DHX37: variants seen among roughly 807,000 people sequenced by gnomAD.
The protein encoded by DHX37 is DEAH-box helicase 37, also known as probable ATP-dependent RNA helicase DHX37.
Under a neutral mutation model 134.3 loss-of-function variants are expected in DHX37, and 52 were observed. That is an observed-to-expected ratio of 0.39 (90% CI 0.31 to 0.49). The LOEUF (loss-of-function observed/expected upper bound fraction) is 0.49. Ranked by LOEUF, DHX37 falls within the 20% of genes least tolerant of loss-of-function variation. The probability of loss-of-function intolerance (pLI) is 0.93; values close to 1 mark genes in which losing one functional copy is unlikely to be tolerated. For missense variants in DHX37, 1,344 were observed against 1,580.8 expected (o/e 0.85, Z 2.54); for synonymous variants, 634 against 670.7 (o/e 0.95, Z 0.85).
intron 21 of DHX37, among the ~76,000 whole-genome samples, chr12:124,951,724 C>T (rs147573155): frequency 2.0e-4 from 30 of 152,240 alleles, no homozygotes; most frequent in African/African-American, 7.0e-4. Context: ...GTAAGCCCAG[C>T]GTTTTGGGAG....
At chr12:124,953,809 T>G in intron 20 of DHX37, 71 bp downstream of exon 20, 1 of 1,574,656 alleles carries the variant, frequency 6.4e-7, no homozygotes, top group Non-Finnish European at 8.6e-7. Context: ...ATGGATCACT[T>G]TTTTAAACAT....
chr12:124,948,219 G>T, intron 25 of DHX37, 38 bp from the exon 26 acceptor site: 1 of 1,603,174 alleles, frequency 6.2e-7, no homozygotes, highest in Non-Finnish European at 8.5e-7. Context: ...CAGGCAGCCA[G>T]GGCACAGACC....
chr12:124,975,575 T>C (rs1310275536), intron 5 of DHX37, 64 bp from the exon 6 acceptor site: 5 of 1,553,234 alleles, frequency 3.2e-6, no homozygotes, highest in South Asian at 1.1e-5. Flanking sequence ...CAAAGCCTCA[T>C]GCAGTTCCAC....
chr12:124,986,959 C>T (rs61943893), intron 1 of DHX37, among the ~76,000 whole-genome samples: 47,840 of 151,816 alleles, frequency 0.32, 7,725 homozygotes, highest in African/African-American at 0.33. Context: ...CTTAGCCAGG[C>T]GGTCTCGAAC....
chr12:124,961,191 CACACACACATACACGTGT>C (rs1954238570), intron 15 of DHX37, among the ~76,000 whole-genome samples: 5 of 42,886 alleles, frequency 1.2e-4, no homozygotes, highest in Admixed American at 4.8e-4. Flanking sequence ...CGCGCACGCA[CACACACACATACACGTGT>C]GCACGCACGC....
chr12:124,971,745 T>C lies in DHX37; in HGVS notation c.1078-330A>G, dbSNP rs553073444. ...TCACCTTTGCCATCCCCCTGGGAGA[T>C]TGGCCCTGCCCAAGGGGACGTCACA... On this transcript the variant is annotated intron_variant, in intron 7 of 26. Coordinates refer to ENST00000308736, the MANE Select transcript of DHX37 (RefSeq NM_032656.4). Among the ~76,000 whole-genome samples, 10 of 152,268 alleles carry C rather than the reference T, an allele frequency of 6.6e-5. No homozygotes were observed. In the South Asian group the frequency reaches 1.0e-3, roughly 16 times the overall value.
chr12:124,964,298 TACAGA>T, intron 15 of DHX37, 91 bp downstream of exon 15: 1 of 1,559,992 alleles, frequency 6.4e-7, no homozygotes, highest in African/African-American at 1.4e-5. Context: ...CGGAACATAC[TACAGA>T]TGGAGGTGGG....
At position 124,947,785 on chromosome 12, in the gene DHX37, T is replaced by A. The variant is rs2135924479; in HGVS notation, c.*17A>T. On this transcript the variant is annotated 3_prime_UTR_variant, in exon 27 of 27. Coordinates refer to ENST00000308736, the MANE Select transcript of DHX37 (RefSeq NM_032656.4). ...CAGTCCCCAAACCAGTCCTCGGCCC[T>A]GCAGCCAGGTTTCTGGTCAGTGGAC... 6.5e-7 allele frequency: 1 copy of A among 1,548,592 alleles called. No individual in the cohort carries two copies. Among genetic ancestry groups the A allele is most frequent in the Admixed American group, 1.9e-5 (1 of 52,106 alleles).
intron 2 of DHX37, among the ~76,000 whole-genome samples, chr12:124,983,060 G>A (rs889016082): frequency 6.6e-6 from 1 of 152,120 alleles, no homozygotes; most frequent in Admixed American, 6.6e-5. Flanking sequence ...AGTTGGGTGA[G>A]GGTTTCGTGA....
intron 1 of DHX37, among the ~76,000 whole-genome samples, chr12:124,986,587 T>C (rs1411344461): frequency 6.6e-6 from 1 of 151,766 alleles, no homozygotes; most frequent in Non-Finnish European, 1.5e-5. Flanking sequence ...GGTGGGTGCC[T>C]GCAATCCCAG....
At chr12:124,956,609 C>T (rs1954098815) in intron 18 of DHX37, 82 bp downstream of exon 18, 10 of 1,447,772 alleles carry the variant, frequency 6.9e-6, no homozygotes, top group Non-Finnish European at 9.1e-6. Flanking sequence ...CTACCTCAGC[C>T]TCCTGAGTAG....
intron 16 of DHX37, among the ~76,000 whole-genome samples, chr12:124,958,810 G>A (rs961319951): frequency 3.3e-5 from 5 of 151,444 alleles, no homozygotes; most frequent in Non-Finnish European, 7.4e-5. Context: ...ATTTTTAGTA[G>A]AGACGGAGTT....
rs748520383 is a variant in DHX37 at position 124,971,437 on chromosome 12, G to C, written c.1078-22C>G. On this transcript the variant is annotated intron_variant, in intron 7 of 26. Transcript: ENST00000308736. ...AGTCCTGGGGGGAGGTCCGGGGTGA[G>C]GCCCACCCTTCCAGCCTAAGCCCCA... is the stretch of plus-strand genomic sequence containing the variant. 4 of 1,610,520 alleles carry C rather than the reference G, an allele frequency of 2.5e-6. No homozygotes were observed. The African/African-American group carries it at 5.3e-5, about 22-fold the overall frequency.
In DHX37 at chr12:124,950,718, G is replaced by C. The variant is rs61757600; in HGVS notation, c.2955C>G (p.Ile985Met). The C allele has an allele frequency of 1.5e-5, 24 of 1,611,418 alleles. No individual in the cohort carries two copies. Among genetic ancestry groups the C allele is most frequent in the African/African-American group, 4.0e-5 (3 of 74,784 alleles). The change falls in exon 22 of 27, where the codon ATC (isoleucine) becomes ATG (methionine). Residue 985 changes from isoleucine to methionine, a missense_variant. This residue lies in a region of DHX37 where 558 missense variants were observed against 650.0 expected (regional missense o/e 0.86). Coordinates refer to ENST00000308736, the MANE Select transcript of DHX37 (RefSeq NM_032656.4). Reference protein sequence around the residue: ...ELPEFVVYQEIVETTKMYMKG... With the variant: ...ELPEFVVYQEMVETTKMYMKG... The stretch of plus-strand genomic sequence containing the variant: ...TCATGTACATCTTAGTGGTCTCCAC[G>C]ATTTCCTGGTAGACCACAAACTCGG...
At chr12:124,965,045 A>G in intron 13 of DHX37, 39 bp from the exon 14 acceptor site, 1 of 1,567,228 alleles carries the variant, frequency 6.4e-7, no homozygotes, top group East Asian at 2.3e-5. Flanking sequence ...CCAGGCCGGG[A>G]CAGATGCCCA....
intron 8 of DHX37, 95 bp downstream of exon 8, chr12:124,971,207 G>A: frequency 6.6e-7 from 1 of 1,523,846 alleles, no homozygotes; most frequent in South Asian, 1.2e-5. Flanking sequence ...GCAGCCCAGG[G>A]TACAACGGGG....
At chr12:124,987,102 TC>T (rs1352520026) in intron 1 of DHX37, among the ~76,000 whole-genome samples, 2 of 152,050 alleles carry the variant, frequency 1.3e-5, no homozygotes, top group African/African-American at 4.8e-5. Flanking sequence ...ACGCCTGCAA[TC>T]CCAGCACTTT....
chr12:124,974,533 G>A (rs930605067), intron 6 of DHX37, among the ~76,000 whole-genome samples: 11 of 149,868 alleles, frequency 7.3e-5, no homozygotes, highest in African/African-American at 1.7e-4. Context: ...CCACCACCAC[G>A]TCCTGAGAGC....
chr12:124,954,286 A>G, intron 18 of DHX37, 75 bp from the exon 19 acceptor site: 1 of 1,507,370 alleles, frequency 6.6e-7, no homozygotes, highest in Non-Finnish European at 8.9e-7. Context: ...GAACTCCTTT[A>G]TTCATCGGGA....
Sources: gnomAD v4.1 joint callset for allele counts (sites outside exome capture counted in the v4.1 genomes callset) on GRCh38, gnomAD v4.1.1 for gene constraint, gnomAD v4.1.1 regional missense constraint, MANE v1.5 for transcripts, NCBI Gene and HGNC (gene_info 2026-07-23, HGNC 2026-07-21) for gene names.